Variants in CSMD1 observed in about 807,000 individuals in gnomAD.
CSMD1 encodes the protein CUB and Sushi multiple domains 1.
Under a neutral mutation model 417.5 loss-of-function variants are expected in CSMD1, and 213 were observed. That is an observed-to-expected ratio of 0.51 (90% confidence interval 0.46 to 0.57). CSMD1 has a LOEUF of 0.57. Ranked by LOEUF, CSMD1 falls within the 20% of genes least tolerant of loss-of-function variation. The probability of loss-of-function intolerance (pLI) is 0.00; values close to 1 mark genes in which losing one functional copy is unlikely to be tolerated. For synonymous variants in CSMD1, 2,862 were observed against 1,736.8 expected (o/e 1.65, Z -16.11); for missense variants, 6,923 against 4,529.7 (o/e 1.53, Z -15.17).
At chr8:4,689,891 T>C (rs1806655189) in intron 1 of CSMD1, among the ~76,000 whole-genome samples, 1 of 152,126 alleles carries the variant, frequency 6.6e-6, no homozygotes, top group African/African-American at 2.4e-5. Context: ...ACTATGGAGG[T>C]AAGAAGGAAA....
At chr8:3,397,614 C>G (rs1334448640) in intron 16 of CSMD1, among the ~76,000 whole-genome samples, 2 of 152,314 alleles carry the variant, frequency 1.3e-5, no homozygotes, top group East Asian at 3.9e-4. Context: ...AAATCTTTTT[C>G]TTAAAACTGA....
chr8:3,545,465 C>T (rs1319802568), intron 10 of CSMD1, among the ~76,000 whole-genome samples: 1 of 152,156 alleles, frequency 6.6e-6, no homozygotes, highest in East Asian at 1.9e-4. Context: ...GGTAAATTTT[C>T]CAGGCCTAGG....
chr8:4,449,192 A>T (rs745731116), intron 2 of CSMD1, among the ~76,000 whole-genome samples: 26 of 151,994 alleles, frequency 1.7e-4, no homozygotes, highest in Admixed American at 3.9e-4. Context: ...ACATTCTTCT[A>T]CAATACAGTT....
chr8:4,840,041 A>G (rs1338699822), intron 1 of CSMD1, among the ~76,000 whole-genome samples: 1 of 152,136 alleles, frequency 6.6e-6, no homozygotes, highest in African/African-American at 2.4e-5. Flanking sequence ...TTTGGGGTTC[A>G]CAGCTATGGC....
chr8:3,773,185 C>G (rs531929828), intron 5 of CSMD1, among the ~76,000 whole-genome samples: 1 of 152,202 alleles, frequency 6.6e-6, no homozygotes, highest in African/African-American at 2.4e-5. Flanking sequence ...TAGGGGGACA[C>G]TGACATTTAG....
chr8:4,480,193 A>C (rs1328563304), intron 2 of CSMD1, among the ~76,000 whole-genome samples: 1 of 151,208 alleles, frequency 6.6e-6, no homozygotes, highest in East Asian at 1.9e-4. Flanking sequence ...CTCACAAAAA[A>C]AAAAAAACAA....
rs140403498 is a variant in CSMD1, at chr8:3,768,930, G to A, written c.819-14888C>T. ...CTACTTAGCACTCACTGCTTTTCAA[G>A]AATCTGCTGTGTTCCGATGGAAGGT... On this transcript the variant is annotated intron_variant, in intron 5 of 69. Transcript: ENST00000635120. Among the ~76,000 whole-genome samples, 544 of 152,322 alleles carry A rather than the reference G, an allele frequency of 3.6e-3. 1 individual carries two copies. The Middle Eastern group carries it at 0.037, about 10-fold the overall frequency.
At chr8:3,323,291 T>C (rs1284441070) in intron 23 of CSMD1, among the ~76,000 whole-genome samples, 2 of 152,264 alleles carry the variant, frequency 1.3e-5, no homozygotes. Context: ...CCTCTCTCTA[T>C]TTTTACCTTC....
At chr8:3,086,648 C>T (rs1415651390) in intron 49 of CSMD1, among the ~76,000 whole-genome samples, 1 of 152,060 alleles carries the variant, frequency 6.6e-6, no homozygotes, top group Non-Finnish European at 1.5e-5. Flanking sequence ...GCATGAAATA[C>T]TGAAATCAAC....
chr8:4,017,723 G>A (rs150102418), intron 4 of CSMD1, among the ~76,000 whole-genome samples: 104 of 152,068 alleles, frequency 6.8e-4, no homozygotes, highest in African/African-American at 2.2e-3. Flanking sequence ...TTTGTGCCTC[G>A]GCATTGTGTG....
rs147408299 is a variant in CSMD1 at position 3,356,186 on chromosome 8, C to G, written c.3304+2966G>C. On this transcript the variant is annotated intron_variant, in intron 21 of 69. Transcript: ENST00000635120. Reference sequence around the variant, plus strand: ...TGCAACCTTTGGTATGGATTTGCCTCTTTTTTGCCACAGGCAAATCATTTT... The same window carrying G: ...TGCAACCTTTGGTATGGATTTGCCTGTTTTTTGCCACAGGCAAATCATTTT... Among the ~76,000 whole-genome samples the G allele has an allele frequency of 1.7e-4, 26 of 152,290 alleles. No homozygotes were observed. The East Asian group carries it at 5.0e-3, about 29-fold the overall frequency.
rs532313325 is a variant in CSMD1 at position 4,150,171 on chromosome 8, G to A, written c.416-118072C>T. Among the ~76,000 whole-genome samples, 6 of 152,272 alleles carry A rather than the reference G, an allele frequency of 3.9e-5. No homozygotes were observed. In the South Asian group the frequency reaches 6.2e-4, roughly 16 times the overall value. Reference sequence around the variant, plus strand: ...TATCTTGAGGATAGACAAAATCCAGGTATGTCCTGAGGCATCTGTCTTGTA... The same window carrying A: ...TATCTTGAGGATAGACAAAATCCAGATATGTCCTGAGGCATCTGTCTTGTA... On this transcript the variant is annotated intron_variant, in intron 3 of 69. Coordinates refer to ENST00000635120, the MANE Select transcript of CSMD1 (RefSeq NM_033225.6).
At chr8:4,880,752 T>C (rs1214030100) in intron 1 of CSMD1, among the ~76,000 whole-genome samples, 1 of 152,100 alleles carries the variant, frequency 6.6e-6, no homozygotes, top group Admixed American at 6.5e-5. Flanking sequence ...GTTGGAACAA[T>C]CTTTTGCCTT....
intron 6 of CSMD1, among the ~76,000 whole-genome samples, chr8:3,732,316 C>T (rs191011904): frequency 6.6e-6 from 1 of 152,180 alleles, no homozygotes; most frequent in African/African-American, 2.4e-5. Flanking sequence ...TAATTTTGAT[C>T]AAGTCATTTA....
chr8:3,863,301 G>T (rs1377860504), intron 5 of CSMD1, among the ~76,000 whole-genome samples: 1 of 151,424 alleles, frequency 6.6e-6, no homozygotes. Context: ...GGAGGCTGAG[G>T]CAGGAGAATC....
intron 10 of CSMD1, among the ~76,000 whole-genome samples, chr8:3,504,919 G>A (rs1383711970): frequency 6.6e-6 from 1 of 152,090 alleles, no homozygotes; most frequent in Non-Finnish European, 1.5e-5. Flanking sequence ...AAATGCCAGT[G>A]AAATGGGCAG....
intron 2 of CSMD1, among the ~76,000 whole-genome samples, chr8:4,603,603 C>T (rs548163668): frequency 7.7e-4 from 117 of 152,092 alleles, no homozygotes; most frequent in Admixed American, 1.8e-3. Context: ...CAAAATAGTG[C>T]GAAAACATGA....
At chr8:3,386,845 G>C (rs911148324) in intron 18 of CSMD1, among the ~76,000 whole-genome samples, 71 of 152,118 alleles carry the variant, frequency 4.7e-4, no homozygotes, top group African/African-American at 1.7e-3. Context: ...AGTTTTTTTG[G>C]CAAATGATTA....
intron 3 of CSMD1, among the ~76,000 whole-genome samples, chr8:4,083,569 T>C (rs1800257593): frequency 6.6e-6 from 1 of 152,082 alleles, no homozygotes; most frequent in Non-Finnish European, 1.5e-5. Flanking sequence ...TTGACAAACC[T>C]GACAAAAAGA....
Sources: allele counts gnomAD v4.1 joint callset (sites outside exome capture counted in the v4.1 genomes callset), GRCh38; gene constraint gnomAD v4.1.1; transcripts MANE v1.5; gene names NCBI Gene and HGNC (gene_info 2026-07-23, HGNC 2026-07-21).